KMT2E: variants seen among roughly 807,000 people sequenced by gnomAD.
KMT2E encodes lysine methyltransferase 2E (inactive).
In KMT2E, 30 loss-of-function variants were observed where a neutral mutation model predicts 184.6. The ratio of observed to expected loss-of-function variants is 0.16; its 90% CI spans 0.12 to 0.22. The LOEUF (loss-of-function observed/expected upper bound fraction) is 0.22. KMT2E is among the 10% of genes least tolerant of loss of function. The probability of loss-of-function intolerance (pLI) is 1.00; values close to 1 mark genes in which losing one functional copy is unlikely to be tolerated. For missense variants in KMT2E, 2,023 were observed against 2,237.4 expected, an observed-to-expected ratio of 0.90 and a Z score of 1.93; for synonymous variants, 815 against 776.5, an observed-to-expected ratio of 1.05 and a Z score of -0.82.
chr7:105,093,005 G>A (rs990263145), intron 15 of KMT2E, among the ~76,000 whole-genome samples: 3 of 151,968 alleles, frequency 2.0e-5, no homozygotes, highest in African/African-American at 7.3e-5. Flanking sequence ...ACCCACCATG[G>A]GCAATATAGC....
At chr7:105,110,904 C>A in intron 26 of KMT2E, 36 bp downstream of exon 26, 1 of 1,462,108 alleles carries the variant, frequency 6.8e-7, no homozygotes, top group Non-Finnish European at 9.6e-7. Flanking sequence ...TTCCAAAGGA[C>A]TTTAGGTTGA....
intron 15 of KMT2E, among the ~76,000 whole-genome samples, chr7:105,095,714 G>A (rs985818508): frequency 6.6e-6 from 1 of 152,080 alleles, no homozygotes; most frequent in East Asian, 1.9e-4. Flanking sequence ...CATGGTTATT[G>A]TACGTTAGGA....
At chr7:105,041,860 AT>A (rs921403351) in intron 3 of KMT2E, among the ~76,000 whole-genome samples, 12 of 151,008 alleles carry the variant, frequency 7.9e-5, no homozygotes, top group East Asian at 1.9e-4. Context: ...TGAAGAAACT[AT>A]TTTTTTTTCT....
In KMT2E at chr7:105,110,248, C is replaced by T. The variant is rs747642346; in HGVS notation, c.3756-32C>T. On this transcript the variant is annotated intron_variant, in intron 23 of 26. Coordinates refer to ENST00000311117, the MANE Select transcript of KMT2E (RefSeq NM_182931.3). ...CAATGTAACTAGCAGTAGTTTCTTT[C>T]AATAGAGGATAATGTGATTTTTCTT... The T allele has an allele frequency of 1.2e-5, 18 of 1,558,178 alleles. No homozygotes were observed. In the South Asian group the frequency reaches 2.0e-4, roughly 17 times the overall value.
intron 15 of KMT2E, 80 bp from the exon 16 acceptor site, chr7:105,101,345 C>T (rs980455359): frequency 1.0e-6 from 1 of 971,194 alleles, no homozygotes; most frequent in African/African-American, 1.7e-5. Flanking sequence ...TTATTTTTTA[C>T]ATTTATCACA....
intron 4 of KMT2E, 100 bp from the exon 5 acceptor site, chr7:105,063,249 CTT>C: frequency 2.4e-6 from 2 of 823,564 alleles, no homozygotes; most frequent in Non-Finnish European, 1.9e-6. Context: ...TCTCATATCT[CTT>C]GAGTATTGAA....
chr7:105,061,281 A>C (rs1796802698), intron 3 of KMT2E, among the ~76,000 whole-genome samples: 1 of 152,236 alleles, frequency 6.6e-6, no homozygotes, highest in Admixed American at 6.5e-5. Flanking sequence ...ACTAAGTTCT[A>C]ATGTAAAGTT....
Position 105,077,197 on chromosome 7 carries a change from A to G in KMT2E, c.999+4A>G. 1 of 1,611,004 alleles carries G rather than the reference A, an allele frequency of 6.2e-7. No homozygotes were observed. The highest frequency in any genetic ancestry group is 8.5e-7 in the Non-Finnish European group (1 of 1,177,442). On this transcript the variant is annotated splice_donor_region_variant and intron_variant, in intron 10 of 26. Transcript: ENST00000311117. ...GCTCTTCAAACCTCCTGTAGAGGTA[A>G]ATACATCATTTGTCCAAAAATTGTA... is the stretch of plus-strand genomic sequence containing the variant.
chr7:105,036,643 G>GAT (rs1795672762), intron 1 of KMT2E, among the ~76,000 whole-genome samples: 1 of 152,196 alleles, frequency 6.6e-6, no homozygotes, highest in African/African-American at 2.4e-5. Context: ...TTATTGTGGA[G>GAT]ATTAAGCATT....
rs775921668 is a variant in KMT2E, at chr7:105,109,258, G to GA, written c.3755+36dup. 6.3e-6 allele frequency: 10 copies of GA among 1,594,650 alleles called. No homozygotes were observed. In the Admixed American group the frequency reaches 1.4e-4, roughly 22 times the overall value. ...GCCCATTGTGAAGTATGCTACTCTGGAAAAAACAAGCTTTTGTTCAAGTAT... is the reference window on the plus strand; with the variant it reads ...GCCCATTGTGAAGTATGCTACTCTGGAAAAAAACAAGCTTTTGTTCAAGTAT... On this transcript the variant is annotated intron_variant, in intron 23 of 26. Coordinates refer to ENST00000311117, the MANE Select transcript of KMT2E (RefSeq NM_182931.3).
rs1290602002 is a variant in KMT2E at position 105,114,625 on chromosome 7, T to TATCA, written c.*1298_*1301dup. On this transcript the variant is annotated 3_prime_UTR_variant, in exon 27 of 27. Coordinates refer to ENST00000311117, the MANE Select transcript of KMT2E (RefSeq NM_182931.3). ...ACATCCAATAATAATGATACTGTTTTATCAATCAACATATTTTTCATCATC... is the reference window on the plus strand; with the variant it reads ...ACATCCAATAATAATGATACTGTTTTATCAATCAATCAACATATTTTTCATCATC... Among the ~76,000 whole-genome samples, 1 of 152,246 alleles carries TATCA rather than the reference T, an allele frequency of 6.6e-6. No individual in the cohort carries two copies. Among genetic ancestry groups the TATCA allele is most frequent in the Non-Finnish European group, 1.5e-5 (1 of 68,036 alleles).
At chr7:105,066,035 A>T (rs1212529161) in intron 5 of KMT2E, among the ~76,000 whole-genome samples, 1 of 152,056 alleles carries the variant, frequency 6.6e-6, no homozygotes, top group Non-Finnish European at 1.5e-5. Context: ...TCTGGCGTTA[A>T]TTCTGGTTCT....
chr7:105,097,147 A>T (rs1462943372), intron 15 of KMT2E, among the ~76,000 whole-genome samples: 1 of 152,238 alleles, frequency 6.6e-6, no homozygotes, highest in Non-Finnish European at 1.5e-5. Flanking sequence ...GACTGACTTC[A>T]TTTAGAAAAT....
chr7:105,102,250 T>C (rs1047246572), intron 17 of KMT2E, 56 bp downstream of exon 17: 43 of 1,443,364 alleles, frequency 3.0e-5, no homozygotes, highest in Middle Eastern at 2.3e-4. Flanking sequence ...ATATTAATTA[T>C]ATTGTTGTTT....
intron 3 of KMT2E, among the ~76,000 whole-genome samples, chr7:105,057,183 G>A (rs1270879253): frequency 6.6e-6 from 1 of 152,162 alleles, no homozygotes; most frequent in East Asian, 1.9e-4. Context: ...ACAAATAGGG[G>A]TTTAGAAATG....
At chr7:105,111,678 C>A in intron 26 of KMT2E, 147 bp from the exon 27 acceptor site, 2 of 962,994 alleles carry the variant, frequency 2.1e-6, no homozygotes, top group Non-Finnish European at 3.0e-6. Flanking sequence ...TTTTAACATC[C>A]CAAGCCTCCA....
intron 3 of KMT2E, among the ~76,000 whole-genome samples, chr7:105,049,934 T>C (rs1193318312): frequency 2.0e-5 from 3 of 152,072 alleles, no homozygotes; most frequent in East Asian, 1.9e-4. Flanking sequence ...TTTAAAAAAA[T>C]TGGAGTCCTG....
intron 5 of KMT2E, chr7:105,063,827 T>C: frequency 4.0e-6 from 2 of 496,190 alleles, no homozygotes; most frequent in South Asian, 4.6e-5. Flanking sequence ...CACATTTTTC[T>C]GTTCACTTAG....
chr7:105,098,156 G>A (rs1190317249), intron 15 of KMT2E, among the ~76,000 whole-genome samples: 1 of 151,808 alleles, frequency 6.6e-6, no homozygotes, highest in Non-Finnish European at 1.5e-5. Flanking sequence ...TTTGAGCAAG[G>A]AATCATTTAA....
Sources: allele counts gnomAD v4.1 joint callset (sites outside exome capture counted in the v4.1 genomes callset), GRCh38; gene constraint gnomAD v4.1.1; transcripts MANE v1.5; gene names NCBI Gene and HGNC (gene_info 2026-07-23, HGNC 2026-07-21).